Variants in PDGFB observed in about 807,000 individuals in gnomAD.
The protein encoded by PDGFB is platelet-derived growth factor subunit B.
In PDGFB, 6 loss-of-function variants were observed where a neutral mutation model predicts 29.0. That is an observed-to-expected ratio of 0.21 (90% CI 0.11 to 0.41). The LOEUF is 0.41. Ranked by LOEUF, PDGFB falls within the 10% of genes least tolerant of loss-of-function variation. The pLI is 1.00. For missense variants in PDGFB, 299 were observed against 341.8 expected, an observed-to-expected ratio of 0.87 and a Z score of 0.99; for synonymous variants, 144 against 140.8, an observed-to-expected ratio of 1.02 and a Z score of -0.16.
chr22:39,225,948 G>T lies in PDGFB; in HGVS notation c.602-101C>A, dbSNP rs149612156. On this transcript the variant is annotated intron_variant, in intron 5 of 6. Coordinates refer to ENST00000331163, the MANE Select transcript of PDGFB (RefSeq NM_002608.4). The stretch of plus-strand genomic sequence containing the variant: ...ATGGACCTTCTGGGCTCAGGAAAGG[G>T]ACAGGAGGGGAATCTGGACCAGGGT... The T allele has an allele frequency of 2.0e-3, 2,694 of 1,352,428 alleles. 6 individuals carry two copies. The highest frequency in any genetic ancestry group is 2.8e-3 in the Middle Eastern group (15 of 5,320). 83.8% of individuals were successfully genotyped at this position (1,352,428 alleles called of 1,614,324 possible).
Position 39,225,102 on chromosome 22 carries a change from C to T in PDGFB, c.*240G>A, listed in dbSNP as rs1171388731. 2 of 152,774 alleles carry T rather than the reference C, an allele frequency of 1.3e-5. No homozygotes were observed. The highest frequency in any genetic ancestry group is 3.8e-4 in the East Asian group (2 of 5,276). The allele number at this position is 152,774 out of a possible 1,614,324, so 9.5% of individuals were successfully genotyped here. On this transcript the variant is annotated 3_prime_UTR_variant, in exon 7 of 7. Transcript: ENST00000331163. ...AAGGGAAGAAGATGGCGATGGAGTTCAGTCCTTCTTTTTCTTCTTGAGCTG... is the reference window on the plus strand; with the variant it reads ...AAGGGAAGAAGATGGCGATGGAGTTTAGTCCTTCTTTTTCTTCTTGAGCTG...
intron 5 of PDGFB, among the ~76,000 whole-genome samples, chr22:39,229,461 G>C (rs931157622): frequency 6.6e-6 from 1 of 152,204 alleles, no homozygotes; most frequent in Non-Finnish European, 1.5e-5. Context: ...TCTCTCTCCA[G>C]TGGCTTCTCC....
Position 39,223,374 on chromosome 22 carries a change from T to A in PDGFB, c.*1968A>T, listed in dbSNP as rs904106565. 2 of 152,156 alleles carry A rather than the reference T, an allele frequency of 1.3e-5. No homozygotes were observed. The highest frequency in any genetic ancestry group is 6.6e-5 in the Admixed American group (1 of 15,260). The allele number at this position is 152,156 out of a possible 1,614,324, so 9.4% of individuals were successfully genotyped here. On this transcript the variant is annotated 3_prime_UTR_variant, in exon 7 of 7. Coordinates refer to ENST00000331163, the MANE Select transcript of PDGFB (RefSeq NM_002608.4). Reference sequence around the variant, plus strand: ...GACCCTCAGGCTGCAGAAACCCATCTCTCGTCACTGCCAGAGACACGCACA... The same window carrying A: ...GACCCTCAGGCTGCAGAAACCCATCACTCGTCACTGCCAGAGACACGCACA...
rs995626591 is a variant in PDGFB at position 39,223,669 on chromosome 22, C to T, written c.*1673G>A. 2 of 152,794 alleles carry T rather than the reference C, an allele frequency of 1.3e-5. No homozygotes were observed. The highest frequency in any genetic ancestry group is 4.1e-4 in the South Asian group (2 of 4,836). The allele number at this position is 152,794 out of a possible 1,614,324, so 9.5% of individuals were successfully genotyped here. A position where few individuals can be genotyped will look rare whatever the true frequency, so the allele number is the denominator to read the frequency against. On this transcript the variant is annotated 3_prime_UTR_variant, in exon 7 of 7. Transcript: ENST00000331163. ...GTCACGCACGATGCCAACAGACAGACCTCCGGCGGATTCATTTGGTTTTGT... is the reference window on the plus strand; with the variant it reads ...GTCACGCACGATGCCAACAGACAGATCTCCGGCGGATTCATTTGGTTTTGT...
At chr22:39,238,715 A>G (rs1281340130) in intron 1 of PDGFB, among the ~76,000 whole-genome samples, 1 of 152,230 alleles carries the variant, frequency 6.6e-6, no homozygotes, top group Non-Finnish European at 1.5e-5. Context: ...CCTGTGTTCT[A>G]AGGCCACTGG....
intron 3 of PDGFB, among the ~76,000 whole-genome samples, chr22:39,232,538 G>A (rs1180669984): frequency 6.6e-6 from 1 of 151,914 alleles, no homozygotes; most frequent in Non-Finnish European, 1.5e-5. Flanking sequence ...TCGCCAGGCT[G>A]GAGTGCAGTG....
At position 39,225,823 on chromosome 22, in the gene PDGFB, G is replaced by T. The variant is rs1932153229; in HGVS notation, c.626C>A (p.Thr209Asn). 1 of 1,613,452 alleles carries T rather than the reference G, an allele frequency of 6.2e-7. No individual in the cohort carries two copies. The highest frequency in any genetic ancestry group is 1.1e-5 in the South Asian group (1 of 91,044). Residue 209 changes from threonine to asparagine, a missense_variant, in exon 6 of 7, where the codon ACC becomes AAC. Coordinates refer to ENST00000331163, the MANE Select transcript of PDGFB (RefSeq NM_002608.4). ...CCGGCGGACTCGCACCGTCCGAATG[G>T]TCACCCGAGTTTGGGGCGTTTTGGC... is the stretch of plus-strand genomic sequence containing the variant. Reference protein sequence around the residue: ...QRAKTPQTRVTIRTVRVRRPP... With the variant: ...QRAKTPQTRVNIRTVRVRRPP...
chr22:39,241,814 A>G (rs970257218), intron 1 of PDGFB, among the ~76,000 whole-genome samples: 1 of 152,220 alleles, frequency 6.6e-6, no homozygotes, highest in African/African-American at 2.4e-5. Context: ...AGTGCCCCTC[A>G]GAGTCACATC....
In PDGFB at chr22:39,231,676, G is replaced by A. The variant is rs1013690852; in HGVS notation, c.402C>T (p.Cys134=). The change falls in exon 4 of 7, where the codon TGC becomes TGT. Residue 134 remains cysteine (C), a synonymous_variant. Coordinates refer to ENST00000331163, the MANE Select transcript of PDGFB (RefSeq NM_002608.4). This position sits in a 1 kb window ranked among gnomAD's most constrained non-coding sequence, Gnocchi z 4.3. ...GGCGGCACTGCACGTTGCGGTTGTT[G>A]CAGCAGCCGGAGCAGCGCTGCACCT... The part of the protein sequence containing the change: ...CVEVQRCSGC[C]NNRNVQCRPT... 11 of 1,596,780 alleles carry A rather than the reference G, an allele frequency of 6.9e-6. No individual in the cohort carries two copies. Among genetic ancestry groups the A allele is most frequent in the Non-Finnish European group, 9.4e-6 (11 of 1,172,810 alleles).
rs902362810 is a variant in PDGFB, at chr22:39,244,205, A to G, written c.-242T>C. 1 of 264,048 alleles carries G rather than the reference A, an allele frequency of 3.8e-6. No homozygotes were observed. The highest frequency in any genetic ancestry group is 7.2e-6 in the Non-Finnish European group (1 of 139,772). The allele number at this position is 264,048 out of a possible 1,614,324, so 16.4% of individuals were successfully genotyped here. On this transcript the variant is annotated 5_prime_UTR_variant, in exon 1 of 7. The change abolishes the stop of an existing upstream ORF in the 5' untranslated region. Transcript: ENST00000331163. The surrounding 1 kb of genome is among the most constrained non-coding windows in gnomAD (Gnocchi z 4.5). ...CGCAGGACCTGGGTCCGAGGCCGCTACCTGGGCGGATCCCGAGCCCGAGTG... is the reference window on the plus strand; with the variant it reads ...CGCAGGACCTGGGTCCGAGGCCGCTGCCTGGGCGGATCCCGAGCCCGAGTG...
In PDGFB at chr22:39,244,801, CTT is replaced by C. The variant is rs578133598; in HGVS notation, c.-840_-839del. 700 of 157,462 alleles carry C rather than the reference CTT, an allele frequency of 4.4e-3. No individual in the cohort carries two copies. Among genetic ancestry groups the C allele is most frequent in the East Asian group, 0.012 (118 of 10,100 alleles). The allele number at this position is 157,462 out of a possible 1,614,324, so 9.8% of individuals were successfully genotyped here. A position where few individuals can be genotyped will look rare whatever the true frequency, so the allele number is the denominator to read the frequency against. On this transcript the variant is annotated 5_prime_UTR_variant, in exon 1 of 7. Coordinates refer to ENST00000331163, the MANE Select transcript of PDGFB (RefSeq NM_002608.4). The surrounding 1 kb of genome is among the most constrained non-coding windows in gnomAD (Gnocchi z 4.5). Reference sequence around the variant, plus strand: ...CTTTGCAGCGAGGCTGGAGGGTGGGCTTTTTTTTTTTTTTTTCCTTTTTGCGC... The same window carrying C: ...CTTTGCAGCGAGGCTGGAGGGTGGGCTTTTTTTTTTTTTTCCTTTTTGCGC...
chr22:39,239,039 T>C (rs1015031668), intron 1 of PDGFB, among the ~76,000 whole-genome samples: 1 of 152,234 alleles, frequency 6.6e-6, no homozygotes, highest in African/African-American at 2.4e-5. Flanking sequence ...TGTCACAATC[T>C]AAAACCTCGG....
rs945218016 is a variant in PDGFB, at chr22:39,243,569, C to T, written c.63+332G>A. Among the ~76,000 whole-genome samples, 3 of 152,160 alleles carry T rather than the reference C, an allele frequency of 2.0e-5. No homozygotes were observed. The highest frequency in any genetic ancestry group is 4.4e-5 in the Non-Finnish European group (3 of 68,020). On this transcript the variant is annotated intron_variant, in intron 1 of 6. Transcript: ENST00000331163. The surrounding 1 kb of genome is among the most constrained non-coding windows in gnomAD (Gnocchi z 6.4). ...CGCGCTGCCTTCTGCACCCTGGGCA[C>T]CACCCCACCCCCTCTCCCCCGGCCG...
intron 1 of PDGFB, among the ~76,000 whole-genome samples, chr22:39,238,059 C>T (rs1027876360): frequency 1.3e-5 from 2 of 152,168 alleles, no homozygotes; most frequent in Non-Finnish European, 2.9e-5. Flanking sequence ...ACTGGAGAGC[C>T]GGCTGCAGCT....
In PDGFB at chr22:39,243,986, C is replaced by T. The variant is rs747225988; in HGVS notation, c.-23G>A. 7 of 1,312,076 alleles carry T rather than the reference C, an allele frequency of 5.3e-6. No individual in the cohort carries two copies. The highest frequency in any genetic ancestry group is 3.7e-5 in the South Asian group (3 of 80,882). The allele number at this position is 1,312,076 out of a possible 1,614,324, so 81.3% of individuals were successfully genotyped here. On this transcript the variant is annotated 5_prime_UTR_variant, in exon 1 of 7. Coordinates refer to ENST00000331163, the MANE Select transcript of PDGFB (RefSeq NM_002608.4). The surrounding 1 kb of genome is among the most constrained non-coding windows in gnomAD (Gnocchi z 6.4). ...CATGCCGACTCCGGGCCCGGCCCCG[C>T]GGGGCCCCGGACGCGTAGATCGAGC...
chr22:39,238,419 G>A (rs925228964), intron 1 of PDGFB, among the ~76,000 whole-genome samples: 1 of 151,926 alleles, frequency 6.6e-6, no homozygotes, highest in Non-Finnish European at 1.5e-5. Context: ...GCCACTAGAT[G>A]CCCAGAACTA....
intron 2 of PDGFB, among the ~76,000 whole-genome samples, chr22:39,234,540 G>A (rs1028235999): frequency 7.2e-5 from 11 of 152,236 alleles, no homozygotes; most frequent in African/African-American, 2.2e-4. Flanking sequence ...AGACAAAGGC[G>A]CCTGCCGCCT....
chr22:39,232,912 G>A (rs973265893), intron 3 of PDGFB, among the ~76,000 whole-genome samples: 12 of 152,220 alleles, frequency 7.9e-5, no homozygotes, highest in Non-Finnish European at 1.3e-4. Flanking sequence ...GTTTCTCTGG[G>A]ACCTAATGAT....
rs938632079 is a variant in PDGFB at position 39,234,692 on chromosome 22, G to C, written c.160+1086C>G. 6.6e-5 allele frequency among the ~76,000 whole-genome samples: 10 copies of C among 152,346 alleles called. No homozygotes were observed. In the East Asian group the frequency reaches 1.9e-3, roughly 29 times the overall value. On this transcript the variant is annotated intron_variant, in intron 2 of 6. Coordinates refer to ENST00000331163, the MANE Select transcript of PDGFB (RefSeq NM_002608.4). ...TCTGGAATGTCCCTGGTGGGGAGGA[G>C]ATGGGGAAAAGATGCGCTTTGTGGA...
Sources: gnomAD v4.1 joint callset for allele counts (sites outside exome capture counted in the v4.1 genomes callset) on GRCh38, gnomAD v4.1.1 for gene constraint, Gnocchi (gnomAD v3.1) non-coding constraint, MANE v1.5 for transcripts, NCBI Gene and HGNC (gene_info 2026-07-23, HGNC 2026-07-21) for gene names.